The following CSE1L variants were observed in gnomAD, a reference collection of about 807,000 sequenced individuals.
The protein encoded by CSE1L is chromosome segregation 1 like, also known as exportin-2.
CSE1L carries 24 observed loss-of-function variants against 120.4 expected under a neutral mutation model. The observed-to-expected ratio is 0.20, with a 90% CI of 0.14 to 0.28. The LOEUF is 0.28. Ranked by LOEUF, CSE1L falls within the 10% of genes least tolerant of loss-of-function variation. The pLI, the probability that CSE1L is intolerant of heterozygous loss-of-function variation, is 1.00. For missense variants in CSE1L, 830 were observed against 1,145.2 expected (o/e 0.72, Z 3.97); for synonymous variants, 402 against 398.3 (o/e 1.01, Z -0.11).
rs1186520001 is a variant in CSE1L at position 49,068,748 on chromosome 20, G to A, written c.601G>A (p.Asp201Asn). The A allele has an allele frequency of 1.9e-6, 3 of 1,613,934 alleles. No individual in the cohort carries two copies. In the Admixed American group the frequency reaches 5.0e-5, roughly 27 times the overall value. Residue 201 changes from aspartate to asparagine, a missense_variant, in exon 7 of 25, where the codon GAT (aspartate) becomes AAT (asparagine). Around this residue, in one of 4 missense-constraint regions of CSE1L, gnomAD observed 543 missense variants for 640.2 expected, o/e 0.85. Coordinates refer to ENST00000262982, the MANE Select transcript of CSE1L (RefSeq NM_001316.4). ...TGAACTCTGCAGTACCCATGCAAAT[G>A]ATGCCTCTGCCCTGAGGATTCTGTT... ...TIELCSTHAN[D>N]ASALRILFSS...
chr20:49,067,725 A>C (rs2091903732), intron 6 of CSE1L, among the ~76,000 whole-genome samples: 1 of 151,538 alleles, frequency 6.6e-6, no homozygotes, highest in South Asian at 2.1e-4. Context: ...AAATATATAT[A>C]TACTTTTTTT....
chr20:49,055,992 G>A (rs2091803834), intron 1 of CSE1L, among the ~76,000 whole-genome samples: 1 of 151,818 alleles, frequency 6.6e-6, no homozygotes, highest in Non-Finnish European at 1.5e-5. Flanking sequence ...TTTCATAGAA[G>A]CCTCTGGTTA....
intron 11 of CSE1L, 97 bp downstream of exon 11, chr20:49,074,947 AGT>A (rs2091959150): frequency 1.1e-6 from 1 of 888,612 alleles, no homozygotes; most frequent in Non-Finnish European, 1.7e-6. Flanking sequence ...TGAGAATAAG[AGT>A]GTTTTTTCAG....
At chr20:49,049,646 C>G (rs2091750538) in intron 1 of CSE1L, among the ~76,000 whole-genome samples, 2 of 152,124 alleles carry the variant, frequency 1.3e-5, no homozygotes, top group African/African-American at 4.8e-5. Flanking sequence ...AAAATGTTCT[C>G]TAAAAGTCCC....
chr20:49,090,708 T>TAACCATTTTCTGTTGG, intron 19 of CSE1L, 34 bp from the exon 20 acceptor site: 1 of 1,524,306 alleles, frequency 6.6e-7, no homozygotes, highest in Non-Finnish European at 9.1e-7. Flanking sequence ...TTATTCCTGT[T>TAACCATTTTCTGTTGG]AACCATTTTC....
intron 3 of CSE1L, among the ~76,000 whole-genome samples, chr20:49,065,065 G>A (rs917483842): frequency 6.6e-6 from 1 of 151,242 alleles, no homozygotes; most frequent in African/African-American, 2.4e-5. Flanking sequence ...GCTGCAGTGG[G>A]AGGGATTGTC....
At chr20:49,066,862 C>T (rs1227154353) in intron 5 of CSE1L, among the ~76,000 whole-genome samples, 1 of 151,668 alleles carries the variant, frequency 6.6e-6, no homozygotes, top group African/African-American at 2.4e-5. Flanking sequence ...AACCCCGTCT[C>T]TACTAAAAAT....
At chr20:49,060,497 C>T (rs942411691) in intron 2 of CSE1L, among the ~76,000 whole-genome samples, 4 of 149,258 alleles carry the variant, frequency 2.7e-5, no homozygotes, top group Admixed American at 2.0e-4. Context: ...AAAAATTGGA[C>T]AGGCACATTT....
chr20:49,076,884 A>G (rs1438528162), intron 12 of CSE1L, 96 bp from the exon 13 acceptor site: 1 of 725,776 alleles, frequency 1.4e-6, no homozygotes, highest in Non-Finnish European at 2.2e-6. Context: ...GTTCATCTCC[A>G]TTTTAACATG....
chr20:49,065,313 ATTTTTTT>A (rs376073464), intron 3 of CSE1L, among the ~76,000 whole-genome samples: 15 of 52,118 alleles, frequency 2.9e-4, no homozygotes, highest in East Asian at 1.0e-3. Flanking sequence ...TGAAAAAAAA[ATTTTTTT>A]TTTTTTTTTT....
At chr20:49,094,373 C>G in intron 23 of CSE1L, 87 bp downstream of exon 23, 1 of 1,304,932 alleles carries the variant, frequency 7.7e-7, no homozygotes. Flanking sequence ...TCTTGGGGGC[C>G]AAGAGAATCT....
At chr20:49,094,424 G>A (rs539353315) in intron 23 of CSE1L, 138 bp downstream of exon 23, 1 of 855,222 alleles carries the variant, frequency 1.2e-6, no homozygotes, top group South Asian at 1.6e-5. Context: ...TCCAAGACAT[G>A]ATTTCTGGAT....
intron 12 of CSE1L, among the ~76,000 whole-genome samples, chr20:49,076,049 C>G (rs1250705383): frequency 6.6e-6 from 1 of 152,180 alleles, no homozygotes; most frequent in Non-Finnish European, 1.5e-5. Flanking sequence ...TCAGGATGGT[C>G]TCAAATTCCT....
At chr20:49,095,967 C>T (rs975833280) in intron 24 of CSE1L, among the ~76,000 whole-genome samples, 3 of 152,134 alleles carry the variant, frequency 2.0e-5, no homozygotes, top group Non-Finnish European at 2.9e-5. Flanking sequence ...ATAATGAAGC[C>T]TGCATGTGCC....
At chr20:49,059,676 G>A (rs146625614) in intron 2 of CSE1L, among the ~76,000 whole-genome samples, 2 of 151,910 alleles carry the variant, frequency 1.3e-5, no homozygotes, top group Admixed American at 1.3e-4. Flanking sequence ...GCAGGAGATC[G>A]AGACCATCGT....
chr20:49,088,290 CT>C (rs1215169714), intron 17 of CSE1L, among the ~76,000 whole-genome samples, 184 bp downstream of exon 17: 10 of 152,158 alleles, frequency 6.6e-5, no homozygotes, highest in Non-Finnish European at 1.3e-4. Flanking sequence ...TAGCAGTCAC[CT>C]TTAAGTGTGT....
intron 19 of CSE1L, among the ~76,000 whole-genome samples, chr20:49,089,950 C>A (rs781643059): frequency 6.6e-6 from 1 of 151,856 alleles, no homozygotes; most frequent in East Asian, 1.9e-4. Context: ...AGATCTATCT[C>A]TACAAAGGAA....
At chr20:49,059,922 C>T (rs570562787) in intron 2 of CSE1L, among the ~76,000 whole-genome samples, 4 of 151,750 alleles carry the variant, frequency 2.6e-5, no homozygotes, top group African/African-American at 7.2e-5. Flanking sequence ...TTGGTGGTCA[C>T]GCCTTTAATC....
chr20:49,081,053 G>A (rs1018028899), intron 14 of CSE1L, among the ~76,000 whole-genome samples: 4 of 146,026 alleles, frequency 2.7e-5, no homozygotes, highest in South Asian at 2.2e-4. Flanking sequence ...GTGTGATCTC[G>A]GCTCACTGCA....
Sources: allele counts gnomAD v4.1 joint callset (sites outside exome capture counted in the v4.1 genomes callset), GRCh38; gene constraint gnomAD v4.1.1; regional missense constraint gnomAD v4.1.1; transcripts MANE v1.5; gene names NCBI Gene and HGNC (gene_info 2026-07-23, HGNC 2026-07-21).